The following ZNF488 variants were observed in gnomAD, a reference collection of about 807,000 sequenced individuals.
ZNF488 encodes zinc finger protein 488.
ZNF488 carries 1 observed loss-of-function variant against 1.2 expected under a neutral mutation model. That is an observed-to-expected ratio of 0.86 (90% CI 0.30 to 4.07). The LOEUF (loss-of-function observed/expected upper bound fraction) is 4.07. ZNF488 is among the 30% of genes most tolerant of loss of function. The probability of loss-of-function intolerance (pLI) is 0.18; values close to 1 mark genes in which losing one functional copy is unlikely to be tolerated. For missense variants in ZNF488, 450 were observed against 437.9 expected (o/e 1.03, Z -0.25); for synonymous variants, 185 against 190.1 (o/e 0.97, Z 0.22).
In ZNF488 at chr10:47,368,720, C is replaced by T; in HGVS notation, c.110G>A (p.Ser37Asn). The T allele has an allele frequency of 6.2e-7, 1 of 1,613,194 alleles. No individual in the cohort carries two copies. Among genetic ancestry groups the T allele is most frequent in the Middle Eastern group, 1.7e-4 (1 of 6,060 alleles). The change falls in exon 2 of 2, where the codon AGC (serine) becomes AAC (asparagine). Residue 37 changes from serine (S) to asparagine (N), a missense_variant. Ser to Asn is a conservative substitution (Grantham distance 46). Transcript: ENST00000585316. ...SPSAENRWRLSEPELGRGCKP... is the reference protein window; with the variant it reads ...SPSAENRWRLNEPELGRGCKP... ...GCAGCCCCGGCCCAGCTCAGGTTCG[C>T]TAAGTCGCCATCTGTTTTCAGCCGA...
intron 1 of ZNF488, among the ~76,000 whole-genome samples, chr10:47,375,889 T>G (rs1837658819): frequency 6.6e-6 from 1 of 152,092 alleles, no homozygotes; most frequent in Middle Eastern, 3.4e-3. Flanking sequence ...GGCAGACAGA[T>G]ACAAAGAAAA....
At chr10:47,369,166 C>G (rs1287724868) in intron 1 of ZNF488, among the ~76,000 whole-genome samples, 1 of 152,194 alleles carries the variant, frequency 6.6e-6, no homozygotes, top group East Asian at 1.9e-4. Flanking sequence ...CTGAAAATGC[C>G]CATGGGCAGC....
At chr10:47,377,184 A>G (rs560046745) in intron 1 of ZNF488, among the ~76,000 whole-genome samples, 3 of 152,332 alleles carry the variant, frequency 2.0e-5, no homozygotes, top group African/African-American at 7.2e-5. Flanking sequence ...ACAGGAAAGG[A>G]GGAATACGCG....
chr10:47,375,362 C>T (rs782704164), intron 1 of ZNF488, among the ~76,000 whole-genome samples: 1 of 152,200 alleles, frequency 6.6e-6, no homozygotes, highest in Admixed American at 6.5e-5. Flanking sequence ...GGGCTTGCCA[C>T]GGTCCACTCC....
rs935004153 is a variant in ZNF488 at position 47,368,957 on chromosome 10, C to G, written c.-108-20G>C. On this transcript the variant is annotated intron_variant, in intron 1 of 1. Coordinates refer to ENST00000585316, the MANE Select transcript of ZNF488 (RefSeq NM_153034.4). ...AGGGCCCTGCAGAGAGAGGAAGCGA[C>G]AGGCAGTGAGATGGGCATTCATCAC... 19 of 1,147,300 alleles carry G rather than the reference C, an allele frequency of 1.7e-5. No homozygotes were observed. In the South Asian group the frequency reaches 2.9e-4, roughly 18 times the overall value. The allele number at this position is 1,147,300 out of a possible 1,614,324, so 71.1% of individuals were successfully genotyped here.
chr10:47,382,158 G>T (rs1441401011), intron 1 of ZNF488, among the ~76,000 whole-genome samples: 1 of 152,202 alleles, frequency 6.6e-6, no homozygotes, highest in African/African-American at 2.4e-5. Context: ...TCACGGACAG[G>T]ACTCAACAGG....
chr10:47,373,401 C>A (rs1026524045), intron 1 of ZNF488, among the ~76,000 whole-genome samples: 52 of 152,110 alleles, frequency 3.4e-4, no homozygotes, highest in African/African-American at 1.2e-3. Flanking sequence ...CAAATTAAAA[C>A]AGAAAGGCAC....
In ZNF488 at chr10:47,366,208, C is replaced by T. The variant is rs1837210797; in HGVS notation, c.*1599G>A. On this transcript the variant is annotated 3_prime_UTR_variant, in exon 2 of 2. Transcript: ENST00000585316. ...TTGTTCATGAAGCAGCTGGCAGGTCCTGCTGGGGTTAGGCCTGTAAGTGTG... is the reference window on the plus strand; with the variant it reads ...TTGTTCATGAAGCAGCTGGCAGGTCTTGCTGGGGTTAGGCCTGTAAGTGTG... The T allele has an allele frequency of 6.0e-6, 1 of 167,134 alleles. No individual in the cohort carries two copies. The highest frequency in any genetic ancestry group is 2.1e-4 in the South Asian group (1 of 4,830). 10.4% of individuals were successfully genotyped at this position (167,134 alleles called of 1,614,324 possible). A position where few individuals can be genotyped will look rare whatever the true frequency, so the allele number is the denominator to read the frequency against.
intron 1 of ZNF488, among the ~76,000 whole-genome samples, chr10:47,371,649 C>A (rs577451224): frequency 6.6e-6 from 1 of 151,944 alleles, no homozygotes; most frequent in South Asian, 2.1e-4. Flanking sequence ...GTTTTAAAGG[C>A]GGCAGTGCCC....
At chr10:47,379,786 C>T (rs1434386509) in intron 1 of ZNF488, among the ~76,000 whole-genome samples, 4 of 152,236 alleles carry the variant, frequency 2.6e-5, no homozygotes, top group African/African-American at 7.2e-5. Context: ...CTTCCACCTC[C>T]GGGCTTCATT....
chr10:47,381,299 G>A (rs369771783), intron 1 of ZNF488, among the ~76,000 whole-genome samples: 1 of 152,182 alleles, frequency 6.6e-6, no homozygotes, highest in Non-Finnish European at 1.5e-5. Flanking sequence ...ACACACAAGA[G>A]CAGAAAATAC....
At chr10:47,375,149 A>G (rs782603041) in intron 1 of ZNF488, among the ~76,000 whole-genome samples, 1 of 152,258 alleles carries the variant, frequency 6.6e-6, no homozygotes, top group Non-Finnish European at 1.5e-5. Flanking sequence ...GCCAGCTCAC[A>G]GTGGCTTGTG....
chr10:47,377,618 A>T (rs959461853), intron 1 of ZNF488, among the ~76,000 whole-genome samples: 22 of 149,628 alleles, frequency 1.5e-4, no homozygotes, highest in African/African-American at 5.0e-4. Flanking sequence ...ACACACACAC[A>T]CACACACACA....
chr10:47,374,555 A>T (rs1278868729), intron 1 of ZNF488, among the ~76,000 whole-genome samples: 1 of 152,192 alleles, frequency 6.6e-6, no homozygotes, highest in Non-Finnish European at 1.5e-5. Context: ...TAGTTTAAAC[A>T]GAAAGGAACT....
At chr10:47,377,631 CACACACAT>C (rs1259493136) in intron 1 of ZNF488, among the ~76,000 whole-genome samples, 25 of 148,990 alleles carry the variant, frequency 1.7e-4, no homozygotes, top group South Asian at 6.5e-4. Context: ...CACACACACA[CACACACAT>C]GGCTGCCACC....
chr10:47,383,410 C>G (rs1228776034), intron 1 of ZNF488, among the ~76,000 whole-genome samples: 1 of 152,148 alleles, frequency 6.6e-6, no homozygotes, highest in Non-Finnish European at 1.5e-5. Context: ...GAATCCTGTC[C>G]CCTCCCTCCC....
At chr10:47,382,657 C>G (rs564659261) in intron 1 of ZNF488, among the ~76,000 whole-genome samples, 4 of 152,210 alleles carry the variant, frequency 2.6e-5, no homozygotes, top group Admixed American at 6.5e-5. Flanking sequence ...AATCACAGTT[C>G]CATGCACATA....
At chr10:47,369,841 C>T (rs1837400062) in intron 1 of ZNF488, among the ~76,000 whole-genome samples, 1 of 152,238 alleles carries the variant, frequency 6.6e-6, no homozygotes, top group African/African-American at 2.4e-5. Context: ...GGCCTGCATG[C>T]ACCACGTGCA....
intron 1 of ZNF488, among the ~76,000 whole-genome samples, chr10:47,381,247 C>T (rs554950268): frequency 3.9e-5 from 6 of 152,254 alleles, no homozygotes; most frequent in Non-Finnish European, 7.3e-5. Flanking sequence ...CCCGCTCCCC[C>T]CAAGCAGTGC....
Sources: gnomAD v4.1 joint callset for allele counts (sites outside exome capture counted in the v4.1 genomes callset) on GRCh38, gnomAD v4.1.1 for gene constraint, MANE v1.5 for transcripts, NCBI Gene and HGNC (gene_info 2026-07-23, HGNC 2026-07-21) for gene names.